IGSF11: variants seen among roughly 807,000 people sequenced by gnomAD.
IGSF11 encodes the protein CXADR like 1.
In IGSF11, 22 loss-of-function variants were observed where a neutral mutation model predicts 41.0. The observed-to-expected ratio is 0.54, with a 90% CI of 0.38 to 0.77. The LOEUF is 0.77. IGSF11 is among the 30% of genes least tolerant of loss of function. The pLI is 0.00. For synonymous variants in IGSF11, 219 were observed against 201.3 expected, an observed-to-expected ratio of 1.09 and a Z score of -0.74; for missense variants, 444 against 530.8, an observed-to-expected ratio of 0.84 and a Z score of 1.61.
chr3:119,015,748 T>C (rs1326248934), intron 1 of IGSF11, among the ~76,000 whole-genome samples: 2 of 142,448 alleles, frequency 1.4e-5, no homozygotes, highest in East Asian at 4.1e-4. Context: ...GAATAAATGC[T>C]AAAAAAAAAA....
rs139219115 is a variant in IGSF11, at chr3:119,104,441, C to A, written c.49+703G>T. Among the ~76,000 whole-genome samples the A allele has an allele frequency of 5.7e-3, 869 of 152,252 alleles. 7 individuals are homozygous for A. Among genetic ancestry groups the A allele is most frequent in the African/African-American group, 0.02 (840 of 41,562 alleles). The stretch of plus-strand genomic sequence containing the variant: ...TAGGCTTCTCCTGACACTGATCACT[C>A]CCATTCACTTCTTAAATCTTAATAA... On this transcript the variant is annotated intron_variant, in intron 1 of 6. Coordinates refer to the IGSF11 transcript ENST00000354673.
rs2107487425 is a variant in IGSF11 at position 119,085,659 on chromosome 3, C to G, written c.49+19485G>C. On this transcript the variant is annotated intron_variant, in intron 1 of 6. Coordinates refer to the IGSF11 transcript ENST00000354673. ...GCCAAACAATCCAATAAAAATGATT[C>G]AAGAGCTGAAAGATGAAATAGCCAT... 1.3e-5 allele frequency among the ~76,000 whole-genome samples: 2 copies of G among 152,294 alleles called. 1 individual carries two copies. Among genetic ancestry groups the G allele is most frequent in the Middle Eastern group, 6.8e-3 (2 of 294 alleles).
chr3:119,120,059 G>T (rs567032076), intron 1 of IGSF11, among the ~76,000 whole-genome samples: 1 of 152,184 alleles, frequency 6.6e-6, no homozygotes, highest in Admixed American at 6.5e-5. Flanking sequence ...TCAGTCATTC[G>T]TCTCTGACTG....
intron 1 of IGSF11, among the ~76,000 whole-genome samples, chr3:119,064,922 C>A (rs1382974093): frequency 6.6e-6 from 1 of 152,040 alleles, no homozygotes; most frequent in Non-Finnish European, 1.5e-5. Flanking sequence ...ACTATAGATT[C>A]TTTTGAATGG....
chr3:119,124,457 G>A (rs2077375082), intron 1 of IGSF11, among the ~76,000 whole-genome samples: 1 of 150,464 alleles, frequency 6.6e-6, no homozygotes, highest in Admixed American at 6.6e-5. Context: ...AGTAGAGACG[G>A]GGTTTCACCA....
intron 1 of IGSF11, among the ~76,000 whole-genome samples, chr3:118,933,032 G>A (rs559358525): frequency 1.3e-5 from 2 of 152,248 alleles, no homozygotes; most frequent in Non-Finnish European, 2.9e-5. Flanking sequence ...AGCCAGGAAG[G>A]CAACAGGACG....
intron 3 of IGSF11, among the ~76,000 whole-genome samples, chr3:118,927,428 C>T (rs182389076): frequency 7.2e-5 from 11 of 152,248 alleles, no homozygotes; most frequent in Admixed American, 4.6e-4. Context: ...ACACTATACT[C>T]GGTACTCAGA....
chr3:118,950,227 A>G (rs1263031088), intron 1 of IGSF11, among the ~76,000 whole-genome samples: 2 of 152,124 alleles, frequency 1.3e-5, no homozygotes, highest in East Asian at 3.9e-4. Context: ...GGCAAAAGAG[A>G]AACAATCCTA....
At position 118,929,512 on chromosome 3, in the gene IGSF11, A is replaced by G. The variant is rs563766375; in HGVS notation, c.216+600T>C. ...CCATTAACATTGTAAATAAAGGTGT[A>G]ATCATTATCACAATTCATTAACTTC... On this transcript the variant is annotated intron_variant, in intron 2 of 6. Transcript: ENST00000393775. Among the ~76,000 whole-genome samples, 19 of 152,350 alleles carry G rather than the reference A, an allele frequency of 1.2e-4. 1 individual carries two copies. The highest frequency in any genetic ancestry group is 4.6e-4 in the African/African-American group (19 of 41,586).
chr3:119,123,593 G>C (rs1189207420), intron 1 of IGSF11, among the ~76,000 whole-genome samples: 1 of 152,176 alleles, frequency 6.6e-6, no homozygotes, highest in Non-Finnish European at 1.5e-5. Flanking sequence ...CACTGCAGCA[G>C]TCCCAGTGGT....
At chr3:118,992,713 T>C (rs1935905524) in intron 1 of IGSF11, among the ~76,000 whole-genome samples, 1 of 152,102 alleles carries the variant, frequency 6.6e-6, no homozygotes, top group Non-Finnish European at 1.5e-5. Context: ...GTCAAGGAAA[T>C]AGGCAAAAGA....
intron 3 of IGSF11, among the ~76,000 whole-genome samples, chr3:118,926,993 T>C (rs1942376840): frequency 6.6e-6 from 1 of 152,174 alleles, no homozygotes; most frequent in South Asian, 2.1e-4. Context: ...GATTTATTTG[T>C]AATGCTAATG....
At chr3:119,121,418 T>C (rs1490393228) in intron 1 of IGSF11, among the ~76,000 whole-genome samples, 1 of 152,060 alleles carries the variant, frequency 6.6e-6, no homozygotes, top group Non-Finnish European at 1.5e-5. Flanking sequence ...GTACAATAAC[T>C]AAAATGAAAA....
intron 1 of IGSF11, among the ~76,000 whole-genome samples, chr3:118,950,549 T>C (rs1460863463): frequency 1.3e-5 from 2 of 151,882 alleles, no homozygotes; most frequent in African/African-American, 4.8e-5. Context: ...GTGAAAAAAA[T>C]ACACACACGC....
At chr3:119,063,608 G>C (rs1942125544) in intron 1 of IGSF11, among the ~76,000 whole-genome samples, 1 of 152,186 alleles carries the variant, frequency 6.6e-6, no homozygotes, top group African/African-American at 2.4e-5. Context: ...CAGGCTTCAA[G>C]ATAGGGGACG....
At chr3:118,946,361 T>C (rs1167689633) in intron 1 of IGSF11, among the ~76,000 whole-genome samples, 2 of 152,028 alleles carry the variant, frequency 1.3e-5, no homozygotes. Context: ...ATAGTATTAT[T>C]GTAATTTTTC....
chr3:118,954,672 T>C (rs554167045), intron 1 of IGSF11, among the ~76,000 whole-genome samples: 1 of 152,246 alleles, frequency 6.6e-6, no homozygotes, highest in Admixed American at 6.5e-5. Flanking sequence ...AACAGCCAAA[T>C]TGTGAATGAA....
Position 119,056,121 on chromosome 3 carries a change from G to C in IGSF11, c.49+49023C>G, listed in dbSNP as rs1455551736. The stretch of plus-strand genomic sequence containing the variant: ...GCAGAAGGCAAGAAATAACTAAGAT[G>C]AGAGCAGAACTGAAGGAAATAGAGA... On this transcript the variant is annotated intron_variant, in intron 1 of 6. Transcript: ENST00000354673. Among the ~76,000 whole-genome samples, 9 of 152,060 alleles carry C rather than the reference G, an allele frequency of 5.9e-5. No individual in the cohort carries two copies. The South Asian group carries it at 6.2e-4, about 11-fold the overall frequency.
At chr3:119,137,724 A>G (rs1217116042) in intron 1 of IGSF11, among the ~76,000 whole-genome samples, 1 of 152,212 alleles carries the variant, frequency 6.6e-6, no homozygotes, top group Non-Finnish European at 1.5e-5. Flanking sequence ...GATAACATCA[A>G]GTTAAAAAGC....
Sources: gnomAD v4.1 joint callset for allele counts (sites outside exome capture counted in the v4.1 genomes callset) on GRCh38, gnomAD v4.1.1 for gene constraint, MANE v1.5 for transcripts, NCBI Gene and HGNC (gene_info 2026-07-23, HGNC 2026-07-21) for gene names.